Variants in CDH13 observed in about 807,000 individuals in gnomAD.
The protein encoded by CDH13 is cadherin-13.
In CDH13, 24 loss-of-function variants were observed where a neutral mutation model predicts 63.8. The observed-to-expected ratio is 0.38, with a 90% CI of 0.27 to 0.53. The LOEUF is 0.53. Among genes scored for constraint, CDH13 ranks in the 20% least tolerant of loss-of-function variants. The pLI is 0.85. For synonymous variants in CDH13, 503 were observed against 355.3 expected, an observed-to-expected ratio of 1.42 and a Z score of -4.67; for missense variants, 1,049 against 903.1, an observed-to-expected ratio of 1.16 and a Z score of -2.07.
chr16:82,733,087 A>G (rs964259974), intron 1 of CDH13, among the ~76,000 whole-genome samples: 1 of 152,182 alleles, frequency 6.6e-6, no homozygotes, highest in Non-Finnish European at 1.5e-5. Context: ...GTGCCTATCG[A>G]TTGTGACAAA....
intron 2 of CDH13, among the ~76,000 whole-genome samples, chr16:83,015,442 C>T (rs949694433): frequency 2.0e-5 from 3 of 151,346 alleles, no homozygotes; most frequent in Non-Finnish European, 2.9e-5. Flanking sequence ...TCATTCTTTT[C>T]TGCCTGATAT....
At chr16:82,832,620 C>G (rs1324579002) in intron 1 of CDH13, among the ~76,000 whole-genome samples, 1 of 151,422 alleles carries the variant, frequency 6.6e-6, no homozygotes, top group Admixed American at 6.6e-5. Context: ...AAAAATGAAT[C>G]TTAAACATTC....
chr16:83,220,021 G>A, intron 5 of CDH13, among the ~76,000 whole-genome samples: 1 of 152,214 alleles, frequency 6.6e-6, no homozygotes, highest in Admixed American at 6.5e-5. Context: ...TAGTGGGAAT[G>A]CAGTTTCTTA....
At chr16:82,793,849 G>C (rs1020505631) in intron 1 of CDH13, among the ~76,000 whole-genome samples, 1 of 152,170 alleles carries the variant, frequency 6.6e-6, no homozygotes, top group Non-Finnish European at 1.5e-5. Flanking sequence ...GAAGATGGGA[G>C]TCTCAGAATT....
chr16:82,733,316 CATAA>C (rs1446119171), intron 1 of CDH13, among the ~76,000 whole-genome samples: 2 of 152,226 alleles, frequency 1.3e-5, no homozygotes, highest in South Asian at 2.1e-4. Flanking sequence ...GTGAGTTGTC[CATAA>C]ATAGTCATTC....
At chr16:83,037,164 G>T (rs562477064) in intron 3 of CDH13, among the ~76,000 whole-genome samples, 108 of 152,252 alleles carry the variant, frequency 7.1e-4, no homozygotes, top group Middle Eastern at 3.4e-3. Flanking sequence ...TATTTTTTGA[G>T]AATTGATTTC....
chr16:83,745,461 G>T (rs981468470), intron 10 of CDH13, among the ~76,000 whole-genome samples: 8 of 152,222 alleles, frequency 5.3e-5, no homozygotes, highest in Admixed American at 5.2e-4. Flanking sequence ...AAGACCTCCA[G>T]ATGATTGGTT....
chr16:83,727,632 C>A (rs573862807), intron 10 of CDH13, among the ~76,000 whole-genome samples: 2 of 151,884 alleles, frequency 1.3e-5, no homozygotes, highest in African/African-American at 2.4e-5. Context: ...TTTTATAAGC[C>A]GAGAATGTTA....
chr16:82,882,899 C>G (rs1401037385), intron 2 of CDH13, among the ~76,000 whole-genome samples: 1 of 152,068 alleles, frequency 6.6e-6, no homozygotes, highest in African/African-American at 2.4e-5. Flanking sequence ...TAAAATGGAG[C>G]TGTTTAAATG....
At chr16:83,191,524 C>CATATATATAT (rs2038710265) in intron 4 of CDH13, among the ~76,000 whole-genome samples, 1 of 100,544 alleles carries the variant, frequency 9.9e-6, no homozygotes, top group East Asian at 2.9e-4. Context: ...CACACACACA[C>CATATATATAT]ACACACATAT....
chr16:82,855,480 A>G (rs1198213260), intron 1 of CDH13, among the ~76,000 whole-genome samples: 1 of 152,218 alleles, frequency 6.6e-6, no homozygotes. Flanking sequence ...CACTGGGTGT[A>G]TGGAGGAGAC....
chr16:83,593,868 A>G (rs976807862), intron 7 of CDH13, among the ~76,000 whole-genome samples: 1 of 152,158 alleles, frequency 6.6e-6, no homozygotes, highest in Admixed American at 6.6e-5. Context: ...CAAGCACATT[A>G]TAGACTGTGG....
At chr16:83,326,836 G>A (rs1037399886) in intron 5 of CDH13, among the ~76,000 whole-genome samples, 3 of 152,200 alleles carry the variant, frequency 2.0e-5, no homozygotes, top group African/African-American at 7.2e-5. Context: ...TGGTTGTCAT[G>A]TGCCCTGTCT....
rs1276399768 is a variant in CDH13 at position 83,602,136 on chromosome 16, AAAAAAAACC to A, written c.961-317_961-309del. On this transcript the variant is annotated intron_variant, in intron 7 of 13. Coordinates refer to ENST00000567109, the MANE Select transcript of CDH13 (RefSeq NM_001257.5). ...AAAAAAAAAAAAAAAAAAAAAAAAA[AAAAAAAACC>A]CAAAGGACAATGTATACCCAAGCCC... is the stretch of plus-strand genomic sequence containing the variant. Among the ~76,000 whole-genome samples, 103 of 89,760 alleles carry A rather than the reference AAAAAAAACC, an allele frequency of 1.1e-3. 3 individuals are homozygous for A. Among genetic ancestry groups the A allele is most frequent in the African/African-American group, 8.2e-3 (98 of 12,020 alleles). 58.9% of individuals were successfully genotyped at this position (89,760 alleles called of 152,430 possible).
At chr16:83,202,853 A>T (rs2039070545) in intron 4 of CDH13, among the ~76,000 whole-genome samples, 1 of 150,882 alleles carries the variant, frequency 6.6e-6, no homozygotes, top group African/African-American at 2.5e-5. Flanking sequence ...CATTGAGTAC[A>T]CATGGACATA....
chr16:83,202,070 C>T (rs576564835), intron 4 of CDH13, among the ~76,000 whole-genome samples: 153 of 152,308 alleles, frequency 1.0e-3, no homozygotes, highest in African/African-American at 3.4e-3. Flanking sequence ...GCCAAGGTCT[C>T]TGCTAATGGC....
intron 3 of CDH13, among the ~76,000 whole-genome samples, chr16:83,124,130 C>T (rs2035710623): frequency 6.6e-6 from 1 of 152,134 alleles, no homozygotes. Flanking sequence ...ACTGCACTGT[C>T]CGCCTCCTGG....
chr16:82,896,290 T>TTTTTTTTTTTTTTTTTTTC (rs2041256639), intron 2 of CDH13, among the ~76,000 whole-genome samples: 6 of 46,824 alleles, frequency 1.3e-4, no homozygotes, highest in Non-Finnish European at 3.0e-4. Context: ...TTTTTTTTTT[T>TTTTTTTTTTTTTTTTTTTC]TTTTTTTTTT....
intron 1 of CDH13, among the ~76,000 whole-genome samples, chr16:82,844,075 C>A (rs28733955): frequency 0.43 from 64,726 of 152,024 alleles, 15,229 homozygotes; most frequent in Non-Finnish European, 0.53. Context: ...TCTACATCCT[C>A]ATTTTCAGAA....
Sources: gnomAD v4.1 joint callset for allele counts (sites outside exome capture counted in the v4.1 genomes callset) on GRCh38, gnomAD v4.1.1 for gene constraint, MANE v1.5 for transcripts, NCBI Gene and HGNC (gene_info 2026-07-23, HGNC 2026-07-21) for gene names.